TTBK2: variants seen among roughly 807,000 people sequenced by gnomAD.
TTBK2 encodes tau-tubulin kinase 2.
In TTBK2, 28 loss-of-function variants were observed where a neutral mutation model predicts 110.8. The observed-to-expected ratio is 0.25, with a 90% CI of 0.19 to 0.35. The LOEUF (loss-of-function observed/expected upper bound fraction) is 0.35, where lower values mean the gene tolerates loss of function less well. Ranked by LOEUF, TTBK2 falls within the 10% of genes least tolerant of loss-of-function variation. The pLI, the probability that TTBK2 is intolerant of heterozygous loss-of-function variation, is 1.00. For missense variants in TTBK2, 1,369 were observed against 1,500.3 expected, an observed-to-expected ratio of 0.91 and a Z score of 1.45; for synonymous variants, 532 against 527.3, an observed-to-expected ratio of 1.01 and a Z score of -0.12.
intron 7 of TTBK2, among the ~76,000 whole-genome samples, chr15:42,816,479 T>C (rs1892033197): frequency 6.6e-6 from 1 of 152,056 alleles, no homozygotes; most frequent in Non-Finnish European, 1.5e-5. Flanking sequence ...AATCCAATTT[T>C]ATTTTCCAAG....
chr15:42,816,315 C>T (rs976901320), intron 7 of TTBK2, among the ~76,000 whole-genome samples: 5 of 150,642 alleles, frequency 3.3e-5, no homozygotes, highest in Admixed American at 6.6e-5. Context: ...TGGGGTTTCA[C>T]TATGCTGGTC....
intron 3 of TTBK2, among the ~76,000 whole-genome samples, chr15:42,852,197 G>A (rs576817430): frequency 6.2e-4 from 94 of 151,922 alleles, no homozygotes; most frequent in African/African-American, 2.2e-3. Context: ...AGCCACCTGA[G>A]TAGCTAGACT....
chr15:42,786,272 A>T (rs918031252), intron 10 of TTBK2, among the ~76,000 whole-genome samples: 5 of 152,336 alleles, frequency 3.3e-5, no homozygotes, highest in Middle Eastern at 3.4e-3. Context: ...ATAATTAAAG[A>T]TCAGAAATAA....
At chr15:42,793,933 C>T (rs1389714940) in intron 10 of TTBK2, among the ~76,000 whole-genome samples, 1 of 151,794 alleles carries the variant, frequency 6.6e-6, no homozygotes, top group African/African-American at 2.4e-5. Context: ...TTCTTTTCCC[C>T]AGAGACGGGT....
At chr15:42,892,136 A>G (rs975214936) in intron 1 of TTBK2, among the ~76,000 whole-genome samples, 1 of 152,202 alleles carries the variant, frequency 6.6e-6, no homozygotes, top group Admixed American at 6.5e-5. Context: ...CATACATACT[A>G]TGCTCTCTGA....
chr15:42,825,809 T>C (rs908221671), intron 6 of TTBK2, among the ~76,000 whole-genome samples: 6 of 152,148 alleles, frequency 3.9e-5, no homozygotes, highest in Non-Finnish European at 7.4e-5. Context: ...GTGGCTACCA[T>C]ATAAGACAGT....
intron 10 of TTBK2, among the ~76,000 whole-genome samples, chr15:42,790,876 G>T (rs1268498962): frequency 1.3e-5 from 2 of 150,848 alleles, no homozygotes; most frequent in Admixed American, 6.6e-5. Context: ...ATTTTTGTGT[G>T]TTTTTTTTGT....
chr15:42,755,147 T>C (rs998524200), intron 13 of TTBK2, among the ~76,000 whole-genome samples: 4 of 152,150 alleles, frequency 2.6e-5, no homozygotes, highest in African/African-American at 9.7e-5. Context: ...ACCTAAAGTT[T>C]TTATTATTTT....
chr15:42,881,796 A>G (rs1449332708), intron 1 of TTBK2, among the ~76,000 whole-genome samples: 2 of 151,952 alleles, frequency 1.3e-5, no homozygotes, highest in African/African-American at 4.8e-5. Flanking sequence ...GCTTGAACCC[A>G]GGAGGTGGAG....
At chr15:42,754,914 A>T (rs927527736) in intron 13 of TTBK2, among the ~76,000 whole-genome samples, 2 of 147,932 alleles carry the variant, frequency 1.4e-5, no homozygotes, top group African/African-American at 4.9e-5. Context: ...AGGCTGAGGC[A>T]GGAGAATCGC....
intron 10 of TTBK2, among the ~76,000 whole-genome samples, chr15:42,783,976 T>C (rs1890298688): frequency 6.6e-6 from 1 of 151,676 alleles, no homozygotes; most frequent in Non-Finnish European, 1.5e-5. Context: ...GCAGGAGAAT[T>C]GCTTGAATCT....
Position 42,746,013 on chromosome 15 carries a change from G to A in TTBK2, c.3517C>T (p.Arg1173Trp), listed in dbSNP as rs373828657. The A allele has an allele frequency of 1.4e-4, 218 of 1,614,146 alleles. 3 individuals carry two copies. In the South Asian group the frequency reaches 1.4e-3, roughly 11 times the overall value. Residue 1173 changes from arginine to tryptophan, a missense_variant, in exon 15 of 15, where the codon CGG (arginine) becomes TGG (tryptophan). Physicochemically the swap from Arg to Trp is moderately radical, Grantham distance 101. This residue lies in a region of TTBK2 where 1,097 missense variants were observed against 1,114.7 expected (regional missense o/e 0.98). Coordinates refer to ENST00000267890, the MANE Select transcript of TTBK2 (RefSeq NM_173500.4). Reference sequence around the variant, plus strand: ...GAACTCCTCTGGTCATGGTGGGGCCGTCCAGCCCTAGATGGTGAGGAACTA... The same window carrying A: ...GAACTCCTCTGGTCATGGTGGGGCCATCCAGCCCTAGATGGTGAGGAACTA... ...TSSSSPSRAG[R>W]PHHDQRSSSP...
intron 13 of TTBK2, among the ~76,000 whole-genome samples, chr15:42,767,227 G>C (rs369199028): frequency 2.0e-5 from 3 of 152,244 alleles, no homozygotes; most frequent in East Asian, 3.9e-4. Flanking sequence ...AAAAGAACTA[G>C]AGAAGCAAGA....
At chr15:42,826,071 G>C (rs984341010) in intron 6 of TTBK2, among the ~76,000 whole-genome samples, 5 of 152,000 alleles carry the variant, frequency 3.3e-5, no homozygotes, top group African/African-American at 1.2e-4. Context: ...GATTTCTGCA[G>C]ATAACATGAC....
At chr15:42,755,019 A>C (rs1156964875) in intron 13 of TTBK2, among the ~76,000 whole-genome samples, 1 of 149,862 alleles carries the variant, frequency 6.7e-6, no homozygotes, top group Non-Finnish European at 1.5e-5. Context: ...AGGAAAAAAA[A>C]AAAAAAAAAA....
At chr15:42,787,154 A>G (rs1473203385) in intron 10 of TTBK2, among the ~76,000 whole-genome samples, 1 of 152,156 alleles carries the variant, frequency 6.6e-6, no homozygotes, top group East Asian at 1.9e-4. Context: ...ACTTATTGGA[A>G]CACAGTCAGT....
chr15:42,891,930 G>A (rs1317944913), intron 1 of TTBK2, among the ~76,000 whole-genome samples: 1 of 152,076 alleles, frequency 6.6e-6, no homozygotes, highest in Non-Finnish European at 1.5e-5. Flanking sequence ...CAGAATTAAA[G>A]CGAATTATAG....
intron 10 of TTBK2, among the ~76,000 whole-genome samples, chr15:42,793,498 G>A (rs1890790501): frequency 6.6e-6 from 1 of 152,104 alleles, no homozygotes; most frequent in Non-Finnish European, 1.5e-5. Context: ...CTATGACTGT[G>A]CCTATAAATA....
chr15:42,813,862 A>G (rs1567039074), intron 7 of TTBK2, among the ~76,000 whole-genome samples: 1 of 152,162 alleles, frequency 6.6e-6, no homozygotes. Flanking sequence ...TCTCTTAAAA[A>G]AAAAAAAGTA....
Sources: allele counts gnomAD v4.1 joint callset (sites outside exome capture counted in the v4.1 genomes callset), GRCh38; gene constraint gnomAD v4.1.1; regional missense constraint gnomAD v4.1.1; transcripts MANE v1.5; gene names NCBI Gene and HGNC (gene_info 2026-07-23, HGNC 2026-07-21).